Variants in PRKAR2B observed in about 807,000 individuals in gnomAD.
The protein encoded by PRKAR2B is cAMP-dependent protein kinase type II-beta regulatory subunit.
A neutral mutation model predicts 49.9 loss-of-function variants in PRKAR2B; 14 were observed. The ratio of observed to expected loss-of-function variants is 0.28; its 90% CI spans 0.19 to 0.44. PRKAR2B has a LOEUF of 0.44. Ranked by LOEUF, PRKAR2B falls within the 20% of genes least tolerant of loss-of-function variation. The pLI, the probability that PRKAR2B is intolerant of heterozygous loss-of-function variation, is 1.00. For synonymous variants in PRKAR2B, 196 were observed against 197.7 expected (o/e 0.99, Z 0.07); for missense variants, 393 against 537.9 (o/e 0.73, Z 2.67).
At chr7:107,095,081 G>A (rs953306863) in intron 2 of PRKAR2B, among the ~76,000 whole-genome samples, 6 of 152,134 alleles carry the variant, frequency 3.9e-5, no homozygotes, top group Non-Finnish European at 7.4e-5. Context: ...CGTTGAGTCT[G>A]TGAATTACCT....
At chr7:107,057,333 G>C (rs1383942965) in intron 1 of PRKAR2B, among the ~76,000 whole-genome samples, 4 of 151,304 alleles carry the variant, frequency 2.6e-5, no homozygotes, top group Non-Finnish European at 5.9e-5. Flanking sequence ...TCGTTCCTCA[G>C]TTCTTCTCTC....
In PRKAR2B at chr7:107,066,301, GGTGT is replaced by G. The variant is rs3074837; in HGVS notation, c.308-3951_308-3948del. 4.6e-3 allele frequency among the ~76,000 whole-genome samples: 665 copies of G among 145,588 alleles called. 2 individuals are homozygous for G. The highest frequency in any genetic ancestry group is 7.1e-3 in the Non-Finnish European group (471 of 66,506). On this transcript the variant is annotated intron_variant, in intron 1 of 10. Transcript: ENST00000265717. ...AGTCTCTAGTTTTCTCTCTATGTGGGGTGTGTGTGTGTGTGTGTGTGTGTGTGTG... is the reference window on the plus strand; with the variant it reads ...AGTCTCTAGTTTTCTCTCTATGTGGGGTGTGTGTGTGTGTGTGTGTGTGTG...
intron 4 of PRKAR2B, among the ~76,000 whole-genome samples, chr7:107,138,017 T>A (rs1025737622): frequency 6.6e-6 from 1 of 152,134 alleles, no homozygotes; most frequent in African/African-American, 2.4e-5. Context: ...AAATTCATCC[T>A]GTATTGTTTA....
chr7:107,129,184 T>C (rs117020716), intron 4 of PRKAR2B: 1 of 152,248 alleles, frequency 6.6e-6, no homozygotes, highest in Non-Finnish European at 1.5e-5. Context: ...TCATACCAGT[T>C]ATATACTGCG....
intron 2 of PRKAR2B, among the ~76,000 whole-genome samples, chr7:107,112,554 A>G (rs2116825612): frequency 6.6e-6 from 1 of 152,272 alleles, no homozygotes. Flanking sequence ...ATAATATAGG[A>G]AAATGTTTAC....
At chr7:107,106,376 G>A (rs1416430908) in intron 2 of PRKAR2B, among the ~76,000 whole-genome samples, 1 of 152,086 alleles carries the variant, frequency 6.6e-6, no homozygotes, top group African/African-American at 2.4e-5. Flanking sequence ...CATATTCATG[G>A]ACAGTACCCA....
rs189165726 is a variant in PRKAR2B at position 107,067,514 on chromosome 7, C to T, written c.308-2767C>T. 1.9e-3 allele frequency among the ~76,000 whole-genome samples: 295 copies of T among 152,086 alleles called. 1 individual carries two copies. Among genetic ancestry groups the T allele is most frequent in the Non-Finnish European group, 2.8e-3 (193 of 68,006 alleles). On this transcript the variant is annotated intron_variant, in intron 1 of 10. Coordinates refer to ENST00000265717, the MANE Select transcript of PRKAR2B (RefSeq NM_002736.3). ...CATAGACTTACAACCTGTCTACTCA[C>T]GATTTAGAAATTGATAGAATGTCTA...
At chr7:107,136,562 C>T (rs944020148) in intron 4 of PRKAR2B, among the ~76,000 whole-genome samples, 1 of 152,178 alleles carries the variant, frequency 6.6e-6, no homozygotes, top group African/African-American at 2.4e-5. Flanking sequence ...AAAAGATGCT[C>T]CACATCACAT....
At chr7:107,087,110 A>G (rs1292216963) in intron 2 of PRKAR2B, among the ~76,000 whole-genome samples, 3 of 152,108 alleles carry the variant, frequency 2.0e-5, no homozygotes, top group Non-Finnish European at 4.4e-5. Context: ...ATAGTATATT[A>G]TTTTGACAGT....
intron 2 of PRKAR2B, among the ~76,000 whole-genome samples, chr7:107,076,671 A>G (rs1562848758): frequency 6.6e-6 from 1 of 152,184 alleles, no homozygotes; most frequent in Non-Finnish European, 1.5e-5. Context: ...TTCTTTTCTC[A>G]TGTAGTTAAC....
intron 2 of PRKAR2B, among the ~76,000 whole-genome samples, chr7:107,119,254 C>T (rs998600045): frequency 5.3e-5 from 8 of 152,100 alleles, no homozygotes; most frequent in Non-Finnish European, 4.4e-5. Flanking sequence ...AACCAAATAT[C>T]TTGCCTACTG....
intron 2 of PRKAR2B, among the ~76,000 whole-genome samples, chr7:107,115,060 T>A (rs916420073): frequency 1.3e-5 from 2 of 151,916 alleles, no homozygotes; most frequent in African/African-American, 2.4e-5. Flanking sequence ...AGGAAAAAAA[T>A]TTTACAGAAA....
At chr7:107,074,221 A>G (rs538363595) in intron 2 of PRKAR2B, among the ~76,000 whole-genome samples, 22 of 151,886 alleles carry the variant, frequency 1.4e-4, no homozygotes, top group Admixed American at 5.2e-4. Context: ...AGTTCAAGCA[A>G]TTCTCTCAAG....
chr7:107,088,318 T>C (rs1794658473), intron 2 of PRKAR2B, among the ~76,000 whole-genome samples: 1 of 152,110 alleles, frequency 6.6e-6, no homozygotes, highest in Admixed American at 6.6e-5. Context: ...GAGTGATGCC[T>C]AGCACCTATT....
chr7:107,101,135 ATTTTTTTTT>A (rs950761298), intron 2 of PRKAR2B, among the ~76,000 whole-genome samples: 1 of 94,688 alleles, frequency 1.1e-5, no homozygotes, highest in East Asian at 3.2e-4. Context: ...GTTGTTGCTT[ATTTTTTTTT>A]TTTTTTTTTT....
At chr7:107,062,402 G>A (rs185597401) in intron 1 of PRKAR2B, among the ~76,000 whole-genome samples, 107 of 152,218 alleles carry the variant, frequency 7.0e-4, no homozygotes, top group Non-Finnish European at 1.3e-3. Context: ...ACAGGAGAAT[G>A]GAGATATATA....
chr7:107,138,400 C>T (rs1584448113), intron 4 of PRKAR2B, among the ~76,000 whole-genome samples: 1 of 152,174 alleles, frequency 6.6e-6, no homozygotes, highest in Non-Finnish European at 1.5e-5. Flanking sequence ...CTTAAAACTG[C>T]TCTAAAAAAT....
At chr7:107,117,455 A>C (rs1278779789) in intron 2 of PRKAR2B, among the ~76,000 whole-genome samples, 1 of 152,170 alleles carries the variant, frequency 6.6e-6, no homozygotes, top group African/African-American at 2.4e-5. Context: ...AGGCCTCTAA[A>C]CCACGCATTC....
intron 5 of PRKAR2B, among the ~76,000 whole-genome samples, chr7:107,141,646 T>A (rs1275654650): frequency 6.6e-6 from 1 of 152,212 alleles, no homozygotes; most frequent in African/African-American, 2.4e-5. Flanking sequence ...GAGCCGATAC[T>A]GCACCATTTG....
Sources: allele counts gnomAD v4.1 joint callset (sites outside exome capture counted in the v4.1 genomes callset), GRCh38; gene constraint gnomAD v4.1.1; transcripts MANE v1.5; gene names NCBI Gene and HGNC (gene_info 2026-07-23, HGNC 2026-07-21).